Variants in THSD7B observed in about 807,000 individuals in gnomAD.
The protein encoded by THSD7B is thrombospondin type 1 domain containing 7B, also known as thrombospondin type-1 domain-containing protein 7B.
Under a neutral mutation model 213.6 loss-of-function variants are expected in THSD7B, and 138 were observed. The ratio of observed to expected loss-of-function variants is 0.65; its 90% CI spans 0.56 to 0.74. THSD7B has a LOEUF of 0.74. Among genes scored for constraint, THSD7B ranks in the 30% least tolerant of loss-of-function variants. The pLI is 0.00. For synonymous variants in THSD7B, 742 were observed against 687.0 expected, an observed-to-expected ratio of 1.08 and a Z score of -1.25; for missense variants, 1,931 against 1,991.5, an observed-to-expected ratio of 0.97 and a Z score of 0.58.
intron 1 of THSD7B, among the ~76,000 whole-genome samples, chr2:136,829,687 A>C (rs1682717258): frequency 6.6e-6 from 1 of 152,198 alleles, no homozygotes; most frequent in East Asian, 1.9e-4. Flanking sequence ...ACTGGGAATC[A>C]AAATTAATAG....
chr2:137,452,595 G>A (rs551919864), intron 15 of THSD7B, among the ~76,000 whole-genome samples: 2 of 152,206 alleles, frequency 1.3e-5, no homozygotes, highest in South Asian at 4.1e-4. Flanking sequence ...GTCAATGAAA[G>A]CTAAGCCTTT....
chr2:137,424,793 C>G (rs1050988067), intron 14 of THSD7B, among the ~76,000 whole-genome samples: 1 of 151,932 alleles, frequency 6.6e-6, no homozygotes, highest in Non-Finnish European at 1.5e-5. Context: ...AAAAATAGGC[C>G]GGGCACAGTG....
At chr2:137,007,317 G>A (rs1686134572) in intron 2 of THSD7B, among the ~76,000 whole-genome samples, 1 of 152,080 alleles carries the variant, frequency 6.6e-6, no homozygotes. Context: ...ATATTTAGAT[G>A]CCTAAATATA....
chr2:137,057,277 T>C, intron 3 of THSD7B, 47 bp downstream of exon 3: 2 of 1,430,558 alleles, frequency 1.4e-6, no homozygotes, highest in Non-Finnish European at 1.9e-6. Flanking sequence ...AAATATTTTA[T>C]AGTGCAACTT....
At chr2:137,552,215 A>G (rs1680863489) in intron 15 of THSD7B, among the ~76,000 whole-genome samples, 2 of 152,082 alleles carry the variant, frequency 1.3e-5, no homozygotes, top group African/African-American at 2.4e-5. Flanking sequence ...TTTTTTCTAT[A>G]TAAAATAACA....
chr2:137,486,464 C>A (rs938363884), intron 15 of THSD7B, among the ~76,000 whole-genome samples: 5 of 151,204 alleles, frequency 3.3e-5, no homozygotes, highest in Non-Finnish European at 5.9e-5. Flanking sequence ...ATATATGCAC[C>A]CAATACAGGA....
intron 15 of THSD7B, among the ~76,000 whole-genome samples, chr2:137,517,958 A>G (rs1680105180): frequency 6.6e-6 from 1 of 152,160 alleles, no homozygotes; most frequent in African/African-American, 2.4e-5. Context: ...CCTATCATGA[A>G]CTGGGCGCTT....
At chr2:136,911,533 G>A (rs1684257431) in intron 2 of THSD7B, among the ~76,000 whole-genome samples, 1 of 152,144 alleles carries the variant, frequency 6.6e-6, no homozygotes, top group Non-Finnish European at 1.5e-5. Context: ...CATTAAGGAA[G>A]GAAAGATACC....
intron 14 of THSD7B, among the ~76,000 whole-genome samples, chr2:137,412,623 A>C (rs200338451): frequency 0.062 from 7,670 of 124,656 alleles, 896 homozygotes; most frequent in South Asian, 0.15. Flanking sequence ...AAAAAAAACA[A>C]AAAACAGTTT....
chr2:137,597,557 C>A (rs1007892665), intron 17 of THSD7B, among the ~76,000 whole-genome samples: 1 of 151,308 alleles, frequency 6.6e-6, no homozygotes, highest in African/African-American at 2.4e-5. Flanking sequence ...TCTAGTGCAA[C>A]AAAGTGCTTG....
At chr2:137,524,524 G>A (rs1208451668) in intron 15 of THSD7B, among the ~76,000 whole-genome samples, 2 of 152,082 alleles carry the variant, frequency 1.3e-5, no homozygotes, top group Non-Finnish European at 2.9e-5. Context: ...GGTGATGGCT[G>A]CATCCTTGTT....
At chr2:136,768,176 C>A (rs753768730) in intron 1 of THSD7B, among the ~76,000 whole-genome samples, 1 of 152,240 alleles carries the variant, frequency 6.6e-6, no homozygotes, top group African/African-American at 2.4e-5. Context: ...CTATGAAGGA[C>A]CTTGTCTGCT....
rs1247437807 is a variant in THSD7B at position 137,271,480 on chromosome 2, A to T, written c.2267-1053A>T. 5.2e-4 allele frequency among the ~76,000 whole-genome samples: 74 copies of T among 141,242 alleles called. 3 individuals carry two copies. Among genetic ancestry groups the T allele is most frequent in the African/African-American group, 1.3e-3 (48 of 37,812 alleles). The allele number at this position is 141,242 out of a possible 152,430, so 92.7% of individuals were successfully genotyped here. On this transcript the variant is annotated intron_variant, in intron 10 of 27. Transcript: ENST00000409968. ...AATATATAATATAATATATAATATA[A>T]AATCATATATATATTATTCATTCAT...
intron 15 of THSD7B, among the ~76,000 whole-genome samples, chr2:137,490,780 A>T (rs1448912): frequency 6.6e-6 from 1 of 152,116 alleles, no homozygotes; most frequent in Non-Finnish European, 1.5e-5. Context: ...GGTCCCAGGG[A>T]TAATGGACAT....
At chr2:137,177,786 T>C (rs1680385652) in intron 7 of THSD7B, among the ~76,000 whole-genome samples, 1 of 152,084 alleles carries the variant, frequency 6.6e-6, no homozygotes, top group Non-Finnish European at 1.5e-5. Context: ...AAGAATAGTA[T>C]TGGTCCAGGC....
At chr2:137,218,393 T>C (rs1681295040) in intron 7 of THSD7B, among the ~76,000 whole-genome samples, 2 of 152,150 alleles carry the variant, frequency 1.3e-5, no homozygotes, top group Admixed American at 1.3e-4. Context: ...TATCTCAGCA[T>C]ATATTTTATT....
intron 1 of THSD7B, among the ~76,000 whole-genome samples, chr2:136,792,648 T>C (rs1010958456): frequency 2.6e-5 from 4 of 151,994 alleles, no homozygotes; most frequent in African/African-American, 9.7e-5. Flanking sequence ...AATTCTACTG[T>C]GAACCTAAAA....
chr2:137,416,829 T>G (rs1474719073), intron 14 of THSD7B, among the ~76,000 whole-genome samples: 1 of 152,214 alleles, frequency 6.6e-6, no homozygotes, highest in Non-Finnish European at 1.5e-5. Flanking sequence ...AGTTTGGGAA[T>G]AGAGGAAATG....
intron 2 of THSD7B, among the ~76,000 whole-genome samples, chr2:137,017,690 G>C (rs1449092001): frequency 1.3e-5 from 2 of 152,038 alleles, no homozygotes; most frequent in Non-Finnish European, 1.5e-5. Context: ...ACTCATACAG[G>C]CTTCATTAGT....
Sources: gnomAD v4.1 joint callset for allele counts (sites outside exome capture counted in the v4.1 genomes callset) on GRCh38, gnomAD v4.1.1 for gene constraint, MANE v1.5 for transcripts, NCBI Gene and HGNC (gene_info 2026-07-23, HGNC 2026-07-21) for gene names.